The following UHRF2 variants were observed in gnomAD, a reference collection of about 807,000 sequenced individuals.
The protein encoded by UHRF2 is ubiquitin like with PHD and ring finger domains 2.
UHRF2 carries 23 observed loss-of-function variants against 96.8 expected under a neutral mutation model. That is an observed-to-expected ratio of 0.24 (90% CI 0.17 to 0.34). The LOEUF (loss-of-function observed/expected upper bound fraction) is 0.34. UHRF2 is among the 10% of genes least tolerant of loss of function. UHRF2 has a pLI of 1.00. For missense variants in UHRF2, 685 were observed against 981.5 expected, an observed-to-expected ratio of 0.70 and a Z score of 4.04; for synonymous variants, 385 against 332.6, an observed-to-expected ratio of 1.16 and a Z score of -1.72.
At chr9:6,470,275 A>C (rs1259945284) in intron 4 of UHRF2, among the ~76,000 whole-genome samples, 2 of 152,020 alleles carry the variant, frequency 1.3e-5, no homozygotes, top group East Asian at 3.9e-4. Context: ...TGTGAGACTG[A>C]AGCAGGAGAA....
chr9:6,476,188 T>C (rs1313347409), intron 5 of UHRF2, among the ~76,000 whole-genome samples: 3 of 152,222 alleles, frequency 2.0e-5, no homozygotes, highest in African/African-American at 7.2e-5. Context: ...TCCAGTTTCA[T>C]CCATGTTGTA....
At chr9:6,413,917 A>G (rs1207922708) in intron 1 of UHRF2, 4 of 327,386 alleles carry the variant, frequency 1.2e-5, no homozygotes, top group Non-Finnish European at 2.2e-5. Context: ...ATTTGGTAGG[A>G]CAGCGGCCGT....
chr9:6,442,394 G>C (rs1821220874), intron 3 of UHRF2, among the ~76,000 whole-genome samples: 1 of 152,316 alleles, frequency 6.6e-6, no homozygotes, highest in Admixed American at 6.5e-5. Context: ...GGTCATTACA[G>C]AATAATCAAT....
rs1563805180 is a variant in UHRF2 at position 6,493,909 on chromosome 9, T to C, written c.1581T>C (p.Asp527=). The change falls in exon 10 of 16, where the codon GAT becomes GAC. Residue 527 remains aspartate (D), a synonymous_variant. Coordinates refer to ENST00000276893, the MANE Select transcript of UHRF2 (RefSeq NM_152896.3). ...GNKRIGAPSA[D]QTLTNMNRAL... is the part of the protein sequence containing the mutation. ...AAAGAATTGGTGCACCTTCAGCTGA[T>C]CAAACATTAACAAACATGAACAGGT... 6.2e-7 allele frequency: 1 copy of C among 1,613,888 alleles called. No individual in the cohort carries two copies. Among genetic ancestry groups the C allele is most frequent in the South Asian group, 1.1e-5 (1 of 91,068 alleles).
intron 9 of UHRF2, among the ~76,000 whole-genome samples, chr9:6,488,515 C>CACTA (rs1824450951): frequency 6.7e-6 from 1 of 149,312 alleles, no homozygotes; most frequent in Non-Finnish European, 1.5e-5. Flanking sequence ...CTCTGACAAC[C>CACTA]ACTAATCTTT....
intron 14 of UHRF2, among the ~76,000 whole-genome samples, chr9:6,503,361 A>C (rs1035179288): frequency 6.6e-6 from 1 of 152,030 alleles, no homozygotes; most frequent in Non-Finnish European, 1.5e-5. Flanking sequence ...AAAATAACTG[A>C]AGGATTATCT....
At position 6,420,919 on chromosome 9, in the gene UHRF2, A is replaced by G. The variant is rs1389032304; in HGVS notation, c.161A>G (p.Asn54Ser). 6.2e-7 allele frequency: 1 copy of G among 1,612,866 alleles called. No homozygotes were observed. The highest frequency in any genetic ancestry group is 8.5e-7 in the Non-Finnish European group (1 of 1,179,000). The change falls in exon 2 of 16, where the codon AAT becomes AGT. Residue 54 changes from asparagine (N) to serine (S), a missense_variant. Physicochemically the swap from Asn to Ser is conservative, Grantham distance 46. Coordinates refer to ENST00000276893, the MANE Select transcript of UHRF2 (RefSeq NM_152896.3). ...TCTTTCTTTATTTTCTAGTTGGAAA[A>G]TGGATATACCTTATTTGATTATGAT... Reference protein sequence around the residue: ...RLFYRGKQLENGYTLFDYDVG... With the variant: ...RLFYRGKQLESGYTLFDYDVG...
intron 2 of UHRF2, 70 bp from the exon 3 acceptor site, chr9:6,433,844 G>A: frequency 3.3e-6 from 5 of 1,501,120 alleles, no homozygotes; most frequent in Non-Finnish European, 4.5e-6. Context: ...CAAATAACTT[G>A]AGTTACATTA....
intron 14 of UHRF2, among the ~76,000 whole-genome samples, chr9:6,503,610 T>C (rs1454866235): frequency 1.3e-5 from 2 of 152,142 alleles, no homozygotes; most frequent in Non-Finnish European, 2.9e-5. Context: ...ATAAATGTTT[T>C]GTTTATGGTA....
intron 12 of UHRF2, 60 bp downstream of exon 12, chr9:6,498,218 T>C: frequency 6.4e-7 from 1 of 1,552,472 alleles, no homozygotes; most frequent in Non-Finnish European, 8.7e-7. Context: ...CTCTTCTATC[T>C]ACATGCCTTA....
At chr9:6,500,443 G>T (rs867813870) in intron 13 of UHRF2, 109 bp from the exon 14 acceptor site, 8 of 945,170 alleles carry the variant, frequency 8.5e-6, no homozygotes, top group African/African-American at 1.7e-5. Context: ...GCTGTTTTAT[G>T]TTGGTTATCT....
intron 2 of UHRF2, among the ~76,000 whole-genome samples, chr9:6,428,809 A>G (rs980722923): frequency 6.6e-6 from 1 of 151,950 alleles, no homozygotes; most frequent in Non-Finnish European, 1.5e-5. Context: ...ACTTCCTCCC[A>G]AAGTGCTGGG....
intron 3 of UHRF2, among the ~76,000 whole-genome samples, chr9:6,455,003 A>G (rs1218874010): frequency 6.6e-6 from 1 of 152,166 alleles, no homozygotes; most frequent in Non-Finnish European, 1.5e-5. Context: ...TTGGGACCAT[A>G]CTTTGAGAAC....
chr9:6,421,251 G>A, intron 2 of UHRF2, 109 bp downstream of exon 2: 2 of 840,362 alleles, frequency 2.4e-6, no homozygotes, highest in Non-Finnish European at 1.8e-6. Context: ...AGTAAAGATT[G>A]GGATGTTAAT....
intron 8 of UHRF2, among the ~76,000 whole-genome samples, chr9:6,485,546 T>A (rs1451727171): frequency 2.0e-5 from 3 of 151,814 alleles, no homozygotes; most frequent in Admixed American, 6.6e-5. Flanking sequence ...AGCCAAAACC[T>A]TTCCAGGTTC....
intron 3 of UHRF2, among the ~76,000 whole-genome samples, chr9:6,449,914 A>C (rs1480411431): frequency 1.3e-5 from 2 of 152,198 alleles, no homozygotes; most frequent in Non-Finnish European, 2.9e-5. Context: ...GATGACTCTT[A>C]GAGAGCTTGT....
At chr9:6,429,992 C>T (rs1477005405) in intron 2 of UHRF2, among the ~76,000 whole-genome samples, 1 of 152,098 alleles carries the variant, frequency 6.6e-6, no homozygotes, top group Non-Finnish European at 1.5e-5. Context: ...GATATTTGGA[C>T]AGGGGAAACT....
At chr9:6,447,152 G>C (rs1192966890) in intron 3 of UHRF2, among the ~76,000 whole-genome samples, 1 of 152,144 alleles carries the variant, frequency 6.6e-6, no homozygotes. Context: ...GCCTCCCAAA[G>C]TGCTGGGATT....
rs1302695665 is a variant in UHRF2 at position 6,499,906 on chromosome 9, A to T, written c.1980A>T (p.Gly660=). The T allele has an allele frequency of 6.2e-7, 1 of 1,612,694 alleles. No homozygotes were observed. Among genetic ancestry groups the T allele is most frequent in the Non-Finnish European group, 8.5e-7 (1 of 1,179,176 alleles). ...GACAGTCAAAGAAGCAGCCCAGTGG[A>T]ACCACAAAAAGGCCAATTTCAGATG... is the stretch of plus-strand genomic sequence containing the variant. ...PKGQSKKQPS[G]TTKRPISDDD... The change falls in exon 13 of 16, where the codon GGA becomes GGT. Residue 660 remains glycine (G), a synonymous_variant. Transcript: ENST00000276893.
Sources: gnomAD v4.1 joint callset for allele counts (sites outside exome capture counted in the v4.1 genomes callset) on GRCh38, gnomAD v4.1.1 for gene constraint, MANE v1.5 for transcripts, NCBI Gene and HGNC (gene_info 2026-07-23, HGNC 2026-07-21) for gene names.